SVOP: variants seen among roughly 807,000 people sequenced by gnomAD.
SVOP encodes SV2 related protein.
A neutral mutation model predicts 69.1 loss-of-function variants in SVOP; 17 were observed. That is an observed-to-expected ratio of 0.25 (90% CI 0.17 to 0.37). SVOP has a LOEUF of 0.37. Among genes scored for constraint, SVOP ranks in the 10% least tolerant of loss-of-function variants. SVOP has a pLI of 1.00. For missense variants in SVOP, 435 were observed against 597.5 expected (o/e 0.73, Z 2.84); for synonymous variants, 238 against 238.6 (o/e 1.00, Z 0.02).
intron 1 of SVOP, among the ~76,000 whole-genome samples, chr12:108,994,229 C>G (rs746947406): frequency 1.3e-5 from 2 of 152,180 alleles, no homozygotes; most frequent in Non-Finnish European, 2.9e-5. Context: ...CACAGTGCCT[C>G]AAGCCTATAA....
intron 1 of SVOP, among the ~76,000 whole-genome samples, chr12:109,019,551 T>C (rs750354284): frequency 9.9e-5 from 15 of 152,170 alleles, no homozygotes; most frequent in Non-Finnish European, 5.9e-5. Context: ...ATATTTATTC[T>C]CAATAAAAGT....
chr12:109,008,333 G>A (rs1264871336), intron 1 of SVOP, among the ~76,000 whole-genome samples: 3 of 152,214 alleles, frequency 2.0e-5, no homozygotes, highest in Admixed American at 6.5e-5. Context: ...GGCAGCCACA[G>A]AAGTCTGAAA....
intron 5 of SVOP, among the ~76,000 whole-genome samples, chr12:108,970,592 G>A (rs2040073356): frequency 1.3e-5 from 1 of 77,130 alleles, no homozygotes; most frequent in Admixed American, 1.8e-4. Flanking sequence ...TCCAGTAGTA[G>A]GTTATTCTTA....
chr12:108,996,906 T>G (rs999370374), intron 1 of SVOP, among the ~76,000 whole-genome samples: 4 of 152,158 alleles, frequency 2.6e-5, no homozygotes, highest in African/African-American at 9.7e-5. Context: ...CACTCCAGCC[T>G]GGGTGACAGA....
chr12:108,964,223 G>C (rs2040032772), intron 5 of SVOP, among the ~76,000 whole-genome samples: 1 of 151,910 alleles, frequency 6.6e-6, no homozygotes, highest in Non-Finnish European at 1.5e-5. Context: ...AAAGAAAGAA[G>C]AAAGATATTA....
At chr12:108,957,614 A>T (rs1038616303) in intron 6 of SVOP, among the ~76,000 whole-genome samples, 1 of 152,210 alleles carries the variant, frequency 6.6e-6, no homozygotes, top group African/African-American at 2.4e-5. Context: ...AATAAGCCCC[A>T]TCTATCATAG....
intron 1 of SVOP, among the ~76,000 whole-genome samples, chr12:109,010,422 T>C (rs1183391897): frequency 6.6e-6 from 1 of 152,216 alleles, no homozygotes; most frequent in Non-Finnish European, 1.5e-5. Flanking sequence ...CAGTGAACCC[T>C]GGAATAATCC....
intron 11 of SVOP, among the ~76,000 whole-genome samples, chr12:108,930,776 G>A (rs1452867000): frequency 1.3e-5 from 2 of 152,174 alleles, no homozygotes; most frequent in Non-Finnish European, 2.9e-5. Flanking sequence ...ATTGGCACAA[G>A]AGTAGATTAC....
intron 2 of SVOP, among the ~76,000 whole-genome samples, chr12:108,983,362 C>A (rs1417957178): frequency 6.6e-6 from 1 of 152,166 alleles, no homozygotes; most frequent in Non-Finnish European, 1.5e-5. Flanking sequence ...TCACCATTAT[C>A]ATCATTGTTA....
chr12:108,962,420 G>A (rs1302175715), intron 5 of SVOP, among the ~76,000 whole-genome samples: 1 of 152,130 alleles, frequency 6.6e-6, no homozygotes, highest in Non-Finnish European at 1.5e-5. Flanking sequence ...TAAAGTACGT[G>A]AATGACTAGG....
intron 1 of SVOP, among the ~76,000 whole-genome samples, chr12:109,019,874 GA>G (rs1297539213): frequency 6.6e-6 from 1 of 151,928 alleles, no homozygotes; most frequent in Non-Finnish European, 1.5e-5. Context: ...GTAGATTATA[GA>G]AAAAAATAAT....
chr12:108,985,984 C>A (rs2040163753), intron 1 of SVOP, among the ~76,000 whole-genome samples: 1 of 152,160 alleles, frequency 6.6e-6, no homozygotes. Flanking sequence ...ACCTGAAACT[C>A]CACTCCTTGG....
intron 1 of SVOP, among the ~76,000 whole-genome samples, chr12:109,005,437 C>G (rs560259820): frequency 6.6e-6 from 1 of 152,284 alleles, no homozygotes; most frequent in East Asian, 1.9e-4. Context: ...CTTCCATAAG[C>G]ATCTATTGAG....
chr12:108,985,011 G>A (rs2040159385), intron 1 of SVOP, among the ~76,000 whole-genome samples: 1 of 152,052 alleles, frequency 6.6e-6, no homozygotes, highest in Non-Finnish European at 1.5e-5. Flanking sequence ...AGGATTGCTT[G>A]GGCAAAGGAG....
intron 13 of SVOP, among the ~76,000 whole-genome samples, chr12:108,919,017 T>C (rs142453156): frequency 3.7e-3 from 526 of 141,134 alleles, no homozygotes; most frequent in African/African-American, 0.013. Flanking sequence ...CCCCCACTTG[T>C]ACCCACACTT....
intron 3 of SVOP, among the ~76,000 whole-genome samples, chr12:108,977,841 AG>A (rs890886449): frequency 6.6e-6 from 1 of 152,236 alleles, no homozygotes; most frequent in African/African-American, 2.4e-5. Flanking sequence ...TTTTTGGTGC[AG>A]TTAAAGACTA....
intron 6 of SVOP, among the ~76,000 whole-genome samples, chr12:108,960,563 C>T (rs1241174664): frequency 6.6e-6 from 1 of 152,168 alleles, no homozygotes; most frequent in Non-Finnish European, 1.5e-5. Context: ...CAGATGATTT[C>T]ACTCTCTGAG....
At chr12:109,010,928 T>C (rs1183027781) in intron 1 of SVOP, among the ~76,000 whole-genome samples, 1 of 150,954 alleles carries the variant, frequency 6.6e-6, no homozygotes, top group Non-Finnish European at 1.5e-5. Context: ...CTGTTTTGTT[T>C]TTTGAGGCAG....
intron 6 of SVOP, among the ~76,000 whole-genome samples, chr12:108,956,793 TG>T (rs1430807458): frequency 6.6e-6 from 1 of 152,138 alleles, no homozygotes; most frequent in Non-Finnish European, 1.5e-5. Context: ...ATGTATGGCC[TG>T]GAATCCGCTG....
Sources: gnomAD v4.1 joint callset for allele counts (sites outside exome capture counted in the v4.1 genomes callset) on GRCh38, gnomAD v4.1.1 for gene constraint, MANE v1.5 for transcripts, NCBI Gene and HGNC (gene_info 2026-07-23, HGNC 2026-07-21) for gene names.